FER1L6: variants seen among roughly 807,000 people sequenced by gnomAD.
The protein encoded by FER1L6 is fer-1-like protein 6.
FER1L6 carries 177 observed loss-of-function variants against 219.2 expected under a neutral mutation model. That is an observed-to-expected ratio of 0.81 (90% CI 0.71 to 0.91). The LOEUF (loss-of-function observed/expected upper bound fraction) is 0.91, where lower values mean the gene tolerates loss of function less well. Ranked by LOEUF, FER1L6 falls within the 40% of genes least tolerant of loss-of-function variation. The probability of loss-of-function intolerance (pLI) is 0.00; values close to 1 mark genes in which losing one functional copy is unlikely to be tolerated. For missense variants in FER1L6, 2,153 were observed against 2,259.9 expected, an observed-to-expected ratio of 0.95 and a Z score of 0.96; for synonymous variants, 768 against 824.3, an observed-to-expected ratio of 0.93 and a Z score of 1.17.
At chr8:123,935,286 C>T (rs1046406209) in intron 1 of FER1L6, among the ~76,000 whole-genome samples, 1 of 152,116 alleles carries the variant, frequency 6.6e-6, no homozygotes, top group Non-Finnish European at 1.5e-5. Context: ...CAAATTGCCT[C>T]ATATTTTGCC....
intron 1 of FER1L6, among the ~76,000 whole-genome samples, chr8:123,940,539 T>A (rs1160626279): frequency 6.6e-6 from 1 of 152,174 alleles, no homozygotes; most frequent in East Asian, 1.9e-4. Flanking sequence ...GGTTTTGCCA[T>A]GTTGGCCAGG....
Position 124,010,713 on chromosome 8 carries a change from T to C in FER1L6, c.1820T>C (p.Leu607Pro), listed in dbSNP as rs1374906745. The part of the protein sequence containing the change: ...SNMLEKMADF[L>P]EESIEEVREL... ...ATGCTGGAGAAAATGGCAGACTTCC[T>C]GGTAGGTGACTCTGACAGGTGATGG... The change falls in exon 14 of 41, where the codon CTG becomes CCG. Residue 607 changes from leucine to proline, a missense_variant and splice_region_variant. By Grantham distance (98) the Leu-to-Pro change is moderately conservative (BLOSUM62 -3). Coordinates refer to ENST00000522917, the MANE Select transcript of FER1L6 (RefSeq NM_001039112.2). 1 of 1,612,922 alleles carries C rather than the reference T, an allele frequency of 6.2e-7. No individual in the cohort carries two copies. Among genetic ancestry groups the C allele is most frequent in the Non-Finnish European group, 8.5e-7 (1 of 1,179,768 alleles).
chr8:123,882,978 G>A (rs1418080354), intron 1 of FER1L6, among the ~76,000 whole-genome samples: 1 of 152,178 alleles, frequency 6.6e-6, no homozygotes, highest in Non-Finnish European at 1.5e-5. Flanking sequence ...ATACATGTGT[G>A]GGGGTTGGGG....
At chr8:123,988,636 G>A (rs1198325581) in intron 12 of FER1L6, among the ~76,000 whole-genome samples, 1 of 152,076 alleles carries the variant, frequency 6.6e-6, no homozygotes, top group East Asian at 1.9e-4. Flanking sequence ...GTTCACTGTT[G>A]GCATATAGAA....
intron 1 of FER1L6, among the ~76,000 whole-genome samples, chr8:123,937,332 T>A (rs1159931681): frequency 6.6e-6 from 1 of 152,246 alleles, no homozygotes; most frequent in Non-Finnish European, 1.5e-5. Flanking sequence ...AATACTTAAA[T>A]TCTTTTATCT....
At chr8:123,921,100 G>A (rs1813348675) in intron 1 of FER1L6, among the ~76,000 whole-genome samples, 1 of 152,132 alleles carries the variant, frequency 6.6e-6, no homozygotes, top group Non-Finnish European at 1.5e-5. Context: ...GATGGATATT[G>A]GGTTGCTTCT....
Position 123,974,341 on chromosome 8 carries a change from A to G in FER1L6, c.527-809A>G, listed in dbSNP as rs1167257240. On this transcript the variant is annotated intron_variant, in intron 7 of 40. Transcript: ENST00000522917. ...CTTTGGTATTTACTGCCATGTAGAA[A>G]TGTGAAGCCATTGGCCAGGTGCAGT... Among the ~76,000 whole-genome samples the G allele has an allele frequency of 2.0e-5, 3 of 152,110 alleles. 1 individual carries two copies. The highest frequency in any genetic ancestry group is 7.2e-5 in the African/African-American group (3 of 41,442).
At chr8:124,114,918 T>TATAC (rs1823179841) in intron 39 of FER1L6, among the ~76,000 whole-genome samples, 1 of 141,086 alleles carries the variant, frequency 7.1e-6, no homozygotes, top group South Asian at 2.2e-4. Flanking sequence ...TATATATATA[T>TATAC]ATATATATAT....
At chr8:124,054,120 T>A (rs1006615482) in intron 22 of FER1L6, among the ~76,000 whole-genome samples, 2 of 152,176 alleles carry the variant, frequency 1.3e-5, no homozygotes, top group Non-Finnish European at 2.9e-5. Context: ...GTTCTTTTAG[T>A]GCTCATCTGA....
chr8:124,013,525 G>C lies in FER1L6; in HGVS notation c.1916G>C (p.Arg639Pro). The change falls in exon 15 of 41, where the codon CGG becomes CCG. Residue 639 changes from arginine to proline, a missense_variant. Coordinates refer to ENST00000522917, the MANE Select transcript of FER1L6 (RefSeq NM_001039112.2). ...ACAGTGCTCAGTGACTTCATCAGTC[G>C]GAGCAGGTACCGGGAGAGACAGCCG... ...MKTVLSDFIS[R>P]SSAFISEAEK... is the part of the protein sequence containing the mutation. 6.2e-7 allele frequency: 1 copy of C among 1,601,702 alleles called. No individual in the cohort carries two copies. The highest frequency in any genetic ancestry group is 8.5e-7 in the Non-Finnish European group (1 of 1,175,700).
Position 124,120,010 on chromosome 8 carries a change from A to G in FER1L6, c.*220A>G. On this transcript the variant is annotated 3_prime_UTR_variant, in exon 41 of 41. Coordinates refer to ENST00000522917, the MANE Select transcript of FER1L6 (RefSeq NM_001039112.2). ...TGTTTTATCCCTTGGGCAGCATGAA[A>G]TAAGGCACTTTCACCTCATGGTAAT... is the stretch of plus-strand genomic sequence containing the variant. The G allele has an allele frequency of 2.3e-6, 1 of 431,282 alleles. No individual in the cohort carries two copies. Among genetic ancestry groups the G allele is most frequent in the Non-Finnish European group, 4.0e-6 (1 of 247,504 alleles). The allele number at this position is 431,282 out of a possible 1,614,324, so 26.7% of individuals were successfully genotyped here.
intron 1 of FER1L6, among the ~76,000 whole-genome samples, chr8:123,915,126 T>G (rs1238836233): frequency 1.3e-5 from 2 of 152,130 alleles, no homozygotes; most frequent in African/African-American, 4.8e-5. Flanking sequence ...GCTTGTGGTT[T>G]CTTTTCTTCC....
At chr8:124,103,411 G>A (rs2130992409) in intron 39 of FER1L6, 102 bp downstream of exon 39, 1 of 1,155,648 alleles carries the variant, frequency 8.7e-7, no homozygotes, top group Non-Finnish European at 1.2e-6. Context: ...GCCTTGAAAT[G>A]ACATGAACCC....
chr8:123,948,540 A>G (rs1187336873), intron 1 of FER1L6, among the ~76,000 whole-genome samples: 1 of 152,118 alleles, frequency 6.6e-6, no homozygotes, highest in Non-Finnish European at 1.5e-5. Context: ...TCTTGTTTAT[A>G]TTTTTTAGAC....
intron 1 of FER1L6, among the ~76,000 whole-genome samples, chr8:123,929,850 A>G (rs944068835): frequency 5.9e-5 from 9 of 152,068 alleles, no homozygotes; most frequent in Non-Finnish European, 1.3e-4. Context: ...TCTAAGAGAC[A>G]TGTGTTCCCC....
chr8:124,054,406 G>GAGA (rs1563769050), intron 22 of FER1L6, among the ~76,000 whole-genome samples: 1 of 152,196 alleles, frequency 6.6e-6, no homozygotes, highest in Non-Finnish European at 1.5e-5. Context: ...TAAAGAAACT[G>GAGA]AGAAGTCCTG....
chr8:123,913,912 C>A (rs947557747), intron 1 of FER1L6, among the ~76,000 whole-genome samples: 2 of 151,470 alleles, frequency 1.3e-5, no homozygotes, highest in Non-Finnish European at 2.9e-5. Flanking sequence ...TGAACACACA[C>A]TAAACATTCT....
At chr8:124,094,812 A>C (rs1822203602) in intron 34 of FER1L6, 84 bp from the exon 35 acceptor site, 2 of 1,423,616 alleles carry the variant, frequency 1.4e-6, no homozygotes, top group Admixed American at 3.4e-5. Flanking sequence ...ATAAGCCTGT[A>C]AGTGTTTAAA....
chr8:124,076,104 A>G, intron 31 of FER1L6, 94 bp from the exon 32 acceptor site: 3 of 1,487,956 alleles, frequency 2.0e-6, no homozygotes, highest in Admixed American at 3.6e-5. Context: ...GACAGAAGTC[A>G]GGCATTAGCA....
Sources: gnomAD v4.1 joint callset for allele counts (sites outside exome capture counted in the v4.1 genomes callset) on GRCh38, gnomAD v4.1.1 for gene constraint, MANE v1.5 for transcripts, NCBI Gene and HGNC (gene_info 2026-07-23, HGNC 2026-07-21) for gene names.